DSPP: variants seen among roughly 807,000 people sequenced by gnomAD.
The protein encoded by DSPP is dentin sialophosphoprotein.
A neutral mutation model predicts 29.1 loss-of-function variants in DSPP; 28 were observed. The observed-to-expected ratio is 0.96, with a 90% CI of 0.71 to 1.32. The LOEUF is 1.32. DSPP is among the 40% of genes most tolerant of loss of function. The pLI, the probability that DSPP is intolerant of heterozygous loss-of-function variation, is 0.00. For missense variants in DSPP, 1,281 were observed against 1,629.9 expected, an observed-to-expected ratio of 0.79 and a Z score of 3.69; for synonymous variants, 481 against 503.4, an observed-to-expected ratio of 0.96 and a Z score of 0.60.
rs774777991 is a variant in DSPP at position 87,615,820 on chromosome 4, A to T, written c.3158A>T (p.Asp1053Val). ...SDSSDSSDSS[D>V]SSNSSDSSDS... ...AGCAGCGATAGCAGTGACAGCAGTG[A>T]CAGCAGCAATAGCAGTGACAGCAGT... Residue 1053 changes from aspartate (D) to valine (V), a missense_variant, in exon 5 of 5, where the codon GAC becomes GTC. By Grantham distance (152) the Asp-to-Val change is radical. This residue lies in a region of DSPP where 72 missense variants were observed against 190.3 expected (regional missense o/e 0.38). Transcript: ENST00000651931. 6.5e-7 allele frequency: 1 copy of T among 1,545,776 alleles called. No individual in the cohort carries two copies. The highest frequency in any genetic ancestry group is 2.0e-5 in the Admixed American group (1 of 50,682).
In DSPP at chr4:87,613,868, A is replaced by G. The variant is rs1236085693; in HGVS notation, c.1206A>G (p.Lys402=). 3 of 1,614,240 alleles carry G rather than the reference A, an allele frequency of 1.9e-6. No homozygotes were observed. The highest frequency in any genetic ancestry group is 3.3e-5 in the Admixed American group (2 of 60,038). ...VGKGNEGKED[K]GQHGMILGKG... The stretch of plus-strand genomic sequence containing the variant: ...AAGGCAACGAAGGTAAAGAGGATAA[A>G]GGACAACATGGAATGATCTTGGGCA... The change falls in exon 5 of 5, where the codon AAA becomes AAG. Residue 402 remains lysine (K), a synonymous_variant. Coordinates refer to ENST00000651931, the MANE Select transcript of DSPP (RefSeq NM_014208.3).
At chr4:87,610,842 A>T in intron 1 of DSPP, 39 bp from the exon 2 acceptor site, 1 of 1,377,252 alleles carries the variant, frequency 7.3e-7, no homozygotes, top group Non-Finnish European at 1.0e-6. Context: ...TTTTCCCTTT[A>T]CTTTATAAGT....
Position 87,612,371 on chromosome 4 carries a change from ATGAAGG to A in DSPP, c.189_194del (p.Glu63_Gly64del). ...ATCAAAGAAAGTGGTGTCCTGGTGC[ATGAAGG>A]TGATAGAGGAAGGCAAGAGAATACC... On this transcript the variant is annotated inframe_deletion, in exon 4 of 5. Transcript: ENST00000651931. 1 of 1,614,154 alleles carries A rather than the reference ATGAAGG, an allele frequency of 6.2e-7. No individual in the cohort carries two copies. Among genetic ancestry groups the A allele is most frequent in the Non-Finnish European group, 8.5e-7 (1 of 1,180,010 alleles).
chr4:87,610,901 T>C lies in DSPP; in HGVS notation c.-8T>C, dbSNP rs754575103. On this transcript the variant is annotated 5_prime_UTR_variant, in exon 2 of 5. Coordinates refer to ENST00000651931, the MANE Select transcript of DSPP (RefSeq NM_014208.3). ...TACAGCCATTGATTATTATTATTCC[T>C]AAAGAAAATGAAGATAATTACATAT... The C allele has an allele frequency of 1.2e-6, 2 of 1,611,350 alleles. No homozygotes were observed. The highest frequency in any genetic ancestry group is 2.7e-5 in the African/African-American group (2 of 74,878).
chr4:87,609,436 T>C (rs1319916495), intron 1 of DSPP, among the ~76,000 whole-genome samples: 1 of 152,234 alleles, frequency 6.6e-6, no homozygotes, highest in Non-Finnish European at 1.5e-5. Flanking sequence ...ACAGGATAAC[T>C]GTGGCTTAGT....
chr4:87,612,040 T>TGC, intron 2 of DSPP, 65 bp from the exon 3 acceptor site: 1 of 1,197,504 alleles, frequency 8.4e-7, no homozygotes, highest in African/African-American at 1.6e-5. Flanking sequence ...TGTGTGTGTG[T>TGC]GCACGCTCAC....
chr4:87,614,897 TAGCAGTGACAGCAGCAAC>T lies in DSPP; in HGVS notation c.2247_2264del (p.Asn751_Ser756del), dbSNP rs1727833975. 2 of 1,548,014 alleles carry T rather than the reference TAGCAGTGACAGCAGCAAC, an allele frequency of 1.3e-6. No individual in the cohort carries two copies. Among genetic ancestry groups the T allele is most frequent in the South Asian group, 1.2e-5 (1 of 83,790 alleles). The stretch of plus-strand genomic sequence containing the variant: ...GCAGCAACAGCAGTGACAGCAGTGA[TAGCAGTGACAGCAGCAAC>T]AGCAGTGACAGTAGCGATAGCAGTG... On this transcript the variant is annotated inframe_deletion, in exon 5 of 5. Coordinates refer to ENST00000651931, the MANE Select transcript of DSPP (RefSeq NM_014208.3).
In DSPP at chr4:87,611,030, A is replaced by AGTGT. The variant is rs33940466; in HGVS notation, c.51+101_51+104dup. 0.25 allele frequency: 199,794 copies of AGTGT among 813,642 alleles called. 8,400 individuals carry two copies. Among genetic ancestry groups the AGTGT allele is most frequent in the Admixed American group, 0.36 (19,180 of 53,342 alleles). 50.4% of individuals were successfully genotyped at this position (813,642 alleles called of 1,614,324 possible). A position where few individuals can be genotyped will look rare whatever the true frequency, so the allele number is the denominator to read the frequency against. The stretch of plus-strand genomic sequence containing the variant: ...TTAACCTAACATTAATACAAAATGT[A>AGTGT]GTGTGTGTGTGTGTGTGTGTGTGTG... On this transcript the variant is annotated intron_variant, in intron 2 of 4. Coordinates refer to ENST00000651931, the MANE Select transcript of DSPP (RefSeq NM_014208.3).
In DSPP at chr4:87,608,613, C is replaced by T. The variant is rs558267401; in HGVS notation, c.-36C>T. The T allele has an allele frequency of 6.6e-6, 1 of 152,226 alleles. No individual in the cohort carries two copies. Among genetic ancestry groups the T allele is most frequent in the East Asian group, 1.9e-4 (1 of 5,184 alleles). 9.4% of individuals were successfully genotyped at this position (152,226 alleles called of 1,614,324 possible). A position where few individuals can be genotyped will look rare whatever the true frequency, so the allele number is the denominator to read the frequency against. On this transcript the variant is annotated 5_prime_UTR_variant, in exon 1 of 5. Transcript: ENST00000651931. The stretch of plus-strand genomic sequence containing the variant: ...TGGATTTTCAAAATCCTTTTGAAGC[C>T]TTTTAAGGTAAGATGAAATATCCTT...
chr4:87,609,268 G>A (rs768232567), intron 1 of DSPP, among the ~76,000 whole-genome samples: 6 of 152,210 alleles, frequency 3.9e-5, no homozygotes, highest in Non-Finnish European at 7.3e-5. Context: ...AAAGAGAGAT[G>A]TAGTGGTCAG....
chr4:87,609,310 G>A (rs115633159), intron 1 of DSPP, among the ~76,000 whole-genome samples: 1 of 152,150 alleles, frequency 6.6e-6, no homozygotes, highest in Non-Finnish European at 1.5e-5. Flanking sequence ...AACTGGACAC[G>A]CATCACTCTG....
chr4:87,610,036 A>G (rs1299823200), intron 1 of DSPP, among the ~76,000 whole-genome samples: 1 of 152,204 alleles, frequency 6.6e-6, no homozygotes, highest in Non-Finnish European at 1.5e-5. Context: ...ATATTTATCA[A>G]CAACATTCAG....
At position 87,615,397 on chromosome 4, in the gene DSPP, G is replaced by A. The variant is rs1490900874; in HGVS notation, c.2735G>A (p.Ser912Asn). ...GACAGCAGTGATAGCAGCAACAGCA[G>A]TGACAGCAGTGATAGCAGCAACAGC... ...DSDSSDSSNS[S>N]DSSDSSNSSD... Residue 912 changes from serine to asparagine, a missense_variant, in exon 5 of 5, where the codon AGT becomes AAT. Transcript: ENST00000651931. 2.2e-6 allele frequency: 3 copies of A among 1,350,670 alleles called. No individual in the cohort carries two copies. The highest frequency in any genetic ancestry group is 2.7e-5 in the South Asian group (2 of 74,190). The allele number at this position is 1,350,670 out of a possible 1,614,324, so 83.7% of individuals were successfully genotyped here. A position where few individuals can be genotyped will look rare whatever the true frequency, so the allele number is the denominator to read the frequency against.
Position 87,616,379 on chromosome 4 carries a change from CAGCAGCGAT to C in DSPP, c.3723_3731del (p.Asp1245_Ser1247del), listed in dbSNP as rs769068787. On this transcript the variant is annotated inframe_deletion, in exon 5 of 5. Transcript: ENST00000651931. ...GCAATGAAAGCAGCGACAGCAGTGACAGCAGCGATAGCAGTGACAGCAGCAACAGCAGTG... is the reference window on the plus strand; with the variant it reads ...GCAATGAAAGCAGCGACAGCAGTGACAGCAGTGACAGCAGCAACAGCAGTG... 382 of 1,521,066 alleles carry C rather than the reference CAGCAGCGAT, an allele frequency of 2.5e-4. No homozygotes were observed. The highest frequency in any genetic ancestry group is 3.2e-4 in the Non-Finnish European group (363 of 1,126,272). 94.2% of individuals were successfully genotyped at this position (1,521,066 alleles called of 1,614,324 possible). A position where few individuals can be genotyped will look rare whatever the true frequency, so the allele number is the denominator to read the frequency against.
At position 87,615,331 on chromosome 4, in the gene DSPP, A is replaced by G. The variant is rs1470080085; in HGVS notation, c.2669A>G (p.Asn890Ser). 3.3e-6 allele frequency: 5 copies of G among 1,514,000 alleles called. No individual in the cohort carries two copies. The highest frequency in any genetic ancestry group is 1.3e-5 in the South Asian group (1 of 79,582). The allele number at this position is 1,514,000 out of a possible 1,614,324, so 93.8% of individuals were successfully genotyped here. A position where few individuals can be genotyped will look rare whatever the true frequency, so the allele number is the denominator to read the frequency against. Reference protein sequence around the residue: ...SDSSDSNESSNSSDSSDSSNS... With the variant: ...SDSSDSNESSSSSDSSDSSNS... Reference sequence around the variant, plus strand: ...AGCAGTGACAGCAACGAAAGCAGCAATAGCAGTGACAGCAGTGATAGCAGC... The same window carrying G: ...AGCAGTGACAGCAACGAAAGCAGCAGTAGCAGTGACAGCAGTGATAGCAGC... Residue 890 changes from asparagine (N) to serine (S), a missense_variant, in exon 5 of 5, where the codon AAT (asparagine) becomes AGT (serine). Asn to Ser is a conservative substitution (Grantham distance 46). Around this residue, in one of 4 missense-constraint regions of DSPP, gnomAD observed 444 missense variants for 611.4 expected, o/e 0.73. Coordinates refer to ENST00000651931, the MANE Select transcript of DSPP (RefSeq NM_014208.3).
intron 1 of DSPP, among the ~76,000 whole-genome samples, chr4:87,609,498 C>G (rs1319508340): frequency 6.6e-6 from 1 of 152,218 alleles, no homozygotes; most frequent in East Asian, 1.9e-4. Flanking sequence ...GATACTTGTC[C>G]TGGTGTCACC....
At position 87,614,611 on chromosome 4, in the gene DSPP, G is replaced by A. The variant is rs1191572187; in HGVS notation, c.1949G>A (p.Ser650Asn). ...AGCAGTGACAGCAACAGCAGTGACA[G>A]TAGTGACAACAGTGATAGCAGCGAC... The part of the protein sequence containing the change: ...SDSSDSNSSD[S>N]SDNSDSSDSS... The change falls in exon 5 of 5, where the codon AGT becomes AAT. Residue 650 changes from serine to asparagine, a missense_variant. This residue lies in a region of DSPP where 444 missense variants were observed against 611.4 expected (regional missense o/e 0.73). Transcript: ENST00000651931. 1.2e-5 allele frequency: 18 copies of A among 1,548,358 alleles called. 1 individual carries two copies. Among genetic ancestry groups the A allele is most frequent in the South Asian group, 4.8e-5 (4 of 83,978 alleles).
rs1727812900 is a variant in DSPP at position 87,614,501 on chromosome 4, T to G, written c.1839T>G (p.Ser613Arg). The G allele has an allele frequency of 6.5e-7, 1 of 1,544,628 alleles. No homozygotes were observed. Among genetic ancestry groups the G allele is most frequent in the Non-Finnish European group, 8.7e-7 (1 of 1,144,254 alleles). Residue 613 changes from serine (S) to arginine (R), a missense_variant, in exon 5 of 5, where the codon AGT becomes AGG. Ser to Arg is a moderately radical substitution (Grantham distance 110, BLOSUM62 -1). Transcript: ENST00000651931. ...GTGACAGCAGTGATAGCAGTGACAG[T>G]AGTGATAGTAGTGACAGCAGTGACA... ...DSSDSSDSSD[S>R]SDSSDSSDSK...
In DSPP at chr4:87,611,989, T is replaced by G. The variant is rs868582914; in HGVS notation, c.52-116T>G. Reference sequence around the variant, plus strand: ...CTTTGGCCTTTGTGTTAAACCTTTCTTCTTCATGGAGGGAAGAATATTTGT... The same window carrying G: ...CTTTGGCCTTTGTGTTAAACCTTTCGTCTTCATGGAGGGAAGAATATTTGT... On this transcript the variant is annotated intron_variant, in intron 2 of 4. Transcript: ENST00000651931. 21 of 1,171,518 alleles carry G rather than the reference T, an allele frequency of 1.8e-5. No homozygotes were observed. The African/African-American group carries it at 2.2e-4, about 12-fold the overall frequency. 72.6% of individuals were successfully genotyped at this position (1,171,518 alleles called of 1,614,324 possible).
Sources: allele counts gnomAD v4.1 joint callset (sites outside exome capture counted in the v4.1 genomes callset), GRCh38; gene constraint gnomAD v4.1.1; regional missense constraint gnomAD v4.1.1; transcripts MANE v1.5; gene names NCBI Gene and HGNC (gene_info 2026-07-23, HGNC 2026-07-21).